Variants in FARS2 observed in about 807,000 individuals in gnomAD.
The protein encoded by FARS2 is phenylalanine--tRNA ligase, mitochondrial.
A neutral mutation model predicts 46.4 loss-of-function variants in FARS2; 40 were observed. The ratio of observed to expected loss-of-function variants is 0.86; its 90% CI spans 0.67 to 1.12. The LOEUF (loss-of-function observed/expected upper bound fraction) is 1.12. FARS2 is among the 50% of genes most tolerant of loss of function. FARS2 has a pLI of 0.00. For synonymous variants in FARS2, 234 were observed against 214.9 expected (o/e 1.09, Z -0.78); for missense variants, 513 against 567.9 (o/e 0.90, Z 0.98).
chr6:5,326,745 A>G (rs1770418606), intron 1 of FARS2, among the ~76,000 whole-genome samples: 1 of 152,276 alleles, frequency 6.6e-6, no homozygotes, highest in African/African-American at 2.4e-5. Context: ...TGGCATCTCC[A>G]TGTGCCAGTG....
At chr6:5,653,423 T>C (rs574792426) in intron 6 of FARS2, among the ~76,000 whole-genome samples, 480 of 152,348 alleles carry the variant, frequency 3.2e-3, no homozygotes, top group African/African-American at 0.011. Context: ...CCACAAGTAT[T>C]TATTGTGCAC....
At position 5,267,079 on chromosome 6, in the gene FARS2, G is replaced by C. The variant is rs552555104; in HGVS notation, c.-22+5419G>C. On this transcript the variant is annotated intron_variant, in intron 1 of 6. Coordinates refer to ENST00000274680, the MANE Select transcript of FARS2 (RefSeq NM_006567.5). The stretch of plus-strand genomic sequence containing the variant: ...TTGGAGGCTAAGGGTTCCCGTATTT[G>C]TGGGCAGTAACAACAAAATTGACAA... Among the ~76,000 whole-genome samples the C allele has an allele frequency of 1.9e-4, 29 of 151,540 alleles. No homozygotes were observed. The South Asian group carries it at 5.6e-3, about 29-fold the overall frequency.
intron 1 of FARS2, among the ~76,000 whole-genome samples, chr6:5,356,007 C>T (rs1467135995): frequency 2.6e-5 from 4 of 152,070 alleles, no homozygotes; most frequent in South Asian, 2.1e-4. Flanking sequence ...TCTGACTTGC[C>T]CGATGCGCAT....
intron 4 of FARS2, among the ~76,000 whole-genome samples, chr6:5,432,513 A>T (rs1411931119): frequency 8.5e-5 from 6 of 70,834 alleles, no homozygotes; most frequent in African/African-American, 4.7e-4. Flanking sequence ...TTTATATCCC[A>T]ATCATATATA....
At chr6:5,509,049 T>C (rs1485579319) in intron 4 of FARS2, among the ~76,000 whole-genome samples, 1 of 152,170 alleles carries the variant, frequency 6.6e-6, no homozygotes, top group African/African-American at 2.4e-5. Flanking sequence ...ACCAGAGAAA[T>C]ACATCCATGC....
intron 2 of FARS2, among the ~76,000 whole-genome samples, chr6:5,372,364 A>G (rs1030532050): frequency 6.6e-6 from 1 of 152,164 alleles, no homozygotes; most frequent in East Asian, 1.9e-4. Flanking sequence ...ATATATGTAT[A>G]TGTGTATAAA....
intron 1 of FARS2, among the ~76,000 whole-genome samples, chr6:5,318,908 T>G (rs1259854115): frequency 6.6e-6 from 1 of 152,170 alleles, no homozygotes; most frequent in Admixed American, 6.5e-5. Flanking sequence ...GCCCCTGATA[T>G]CCAGTCAGCC....
At chr6:5,617,782 C>G (rs1403068862) in intron 6 of FARS2, among the ~76,000 whole-genome samples, 1 of 152,148 alleles carries the variant, frequency 6.6e-6, no homozygotes, top group Admixed American at 6.5e-5. Flanking sequence ...TAGCCTGGGG[C>G]TTGAATCTGT....
At chr6:5,762,528 A>G (rs1389490565) in intron 6 of FARS2, among the ~76,000 whole-genome samples, 1 of 152,244 alleles carries the variant, frequency 6.6e-6, no homozygotes, top group Non-Finnish European at 1.5e-5. Flanking sequence ...AGGAGAAGTC[A>G]CAGGGAGTGA....
intron 2 of FARS2, among the ~76,000 whole-genome samples, chr6:5,381,984 G>A (rs980843546): frequency 1.1e-4 from 16 of 152,208 alleles, no homozygotes; most frequent in Admixed American, 3.9e-4. Flanking sequence ...CTGGTGAGGC[G>A]GACAGATAGC....
intron 1 of FARS2, among the ~76,000 whole-genome samples, chr6:5,338,519 C>T (rs1344054466): frequency 1.3e-5 from 2 of 152,116 alleles, no homozygotes; most frequent in East Asian, 3.8e-4. Flanking sequence ...TTGCCTTGAC[C>T]GCAGTGACTT....
At chr6:5,474,815 A>T (rs1766026688) in intron 4 of FARS2, among the ~76,000 whole-genome samples, 1 of 151,928 alleles carries the variant, frequency 6.6e-6, no homozygotes, top group Admixed American at 6.6e-5. Flanking sequence ...ACCCGCCACC[A>T]CGCCCAGCTA....
At chr6:5,662,425 G>A (rs1350787389) in intron 6 of FARS2, among the ~76,000 whole-genome samples, 2 of 152,188 alleles carry the variant, frequency 1.3e-5, no homozygotes, top group African/African-American at 4.8e-5. Flanking sequence ...CAGCAATGTG[G>A]AAATAGTCAC....
intron 2 of FARS2, among the ~76,000 whole-genome samples, chr6:5,377,125 T>A (rs927039994): frequency 3.9e-5 from 6 of 152,330 alleles, no homozygotes; most frequent in Non-Finnish European, 7.4e-5. Flanking sequence ...ATTTCAAGTA[T>A]TTGGCAGGCC....
chr6:5,375,518 A>G (rs1040133086), intron 2 of FARS2, among the ~76,000 whole-genome samples: 1 of 152,060 alleles, frequency 6.6e-6, no homozygotes, highest in African/African-American at 2.4e-5. Flanking sequence ...CGCAAATCCA[A>G]CCAAAATTTT....
At chr6:5,403,372 G>A (rs960609324) in intron 2 of FARS2, among the ~76,000 whole-genome samples, 19 of 152,264 alleles carry the variant, frequency 1.2e-4, no homozygotes, top group Middle Eastern at 6.8e-3. Flanking sequence ...AAACACCCCA[G>A]CTTGGTTCCA....
rs146866753 is a variant in FARS2 at position 5,423,583 on chromosome 6, G to A, written c.773-7458G>A. 2.2e-4 allele frequency among the ~76,000 whole-genome samples: 34 copies of A among 152,162 alleles called. No homozygotes were observed. The East Asian group carries it at 6.0e-3, about 27-fold the overall frequency. The stretch of plus-strand genomic sequence containing the variant: ...CCTTTTATTTTTCCCCTATTGCTTT[G>A]TGTTTGTCTTAGCAGGAGTCATTGT... On this transcript the variant is annotated intron_variant, in intron 3 of 6. Coordinates refer to ENST00000274680, the MANE Select transcript of FARS2 (RefSeq NM_006567.5).
At chr6:5,601,591 C>T (rs529449922) in intron 5 of FARS2, among the ~76,000 whole-genome samples, 1 of 150,208 alleles carries the variant, frequency 6.7e-6, no homozygotes, top group Non-Finnish European at 1.5e-5. Flanking sequence ...GGGTTAACAG[C>T]ATAGCCTGGC....
chr6:5,459,636 G>A (rs1279781764), intron 4 of FARS2, among the ~76,000 whole-genome samples: 1 of 152,038 alleles, frequency 6.6e-6, no homozygotes, highest in Non-Finnish European at 1.5e-5. Flanking sequence ...GTCACTGCCT[G>A]TTCCTCTTGC....
Sources: allele counts gnomAD v4.1 joint callset (sites outside exome capture counted in the v4.1 genomes callset), GRCh38; gene constraint gnomAD v4.1.1; transcripts MANE v1.5; gene names NCBI Gene and HGNC (gene_info 2026-07-23, HGNC 2026-07-21).